The following MITF variants were observed in gnomAD, a reference collection of about 807,000 sequenced individuals.
MITF encodes microphthalmia-associated transcription factor.
Under a neutral mutation model 60.5 loss-of-function variants are expected in MITF, and 17 were observed. That is an observed-to-expected ratio of 0.28 (90% CI 0.19 to 0.42). MITF has a LOEUF of 0.42. Among genes scored for constraint, MITF ranks in the 10% least tolerant of loss-of-function variants. The pLI is 1.00. For missense variants in MITF, 622 were observed against 683.5 expected (o/e 0.91, Z 1.00); for synonymous variants, 260 against 248.5 (o/e 1.05, Z -0.43).
At chr3:69,898,650 C>A (rs9310177) in intron 2 of MITF, among the ~76,000 whole-genome samples, 8,441 of 152,178 alleles carry the variant, frequency 0.055, 615 homozygotes, top group African/African-American at 0.17. Context: ...AATGTAAAAA[C>A]ACAGGAACAA....
chr3:69,944,778 A>G (rs1032714978), intron 5 of MITF, among the ~76,000 whole-genome samples: 3 of 152,110 alleles, frequency 2.0e-5, no homozygotes, highest in African/African-American at 7.2e-5. Context: ...AGCATTTAGA[A>G]CAGTTGGGCC....
intron 1 of MITF, among the ~76,000 whole-genome samples, chr3:69,832,635 T>C (rs1172684215): frequency 6.6e-6 from 1 of 152,224 alleles, no homozygotes; most frequent in Admixed American, 6.5e-5. Context: ...CACTGTATAT[T>C]GTTGTTTGCC....
intron 1 of MITF, among the ~76,000 whole-genome samples, chr3:69,859,890 G>A (rs2063982907): frequency 6.6e-6 from 1 of 152,082 alleles, no homozygotes; most frequent in South Asian, 2.1e-4. Context: ...TGCTGATGTG[G>A]AGATTTTATT....
rs145228322 is a variant in MITF, at chr3:69,851,691, G to A, written c.105-27443G>A. ...GACTACAAAGGAGTAGCACAAGAGA[G>A]TATTTTGAGGTGATGGAACTGTTCT... On this transcript the variant is annotated intron_variant, in intron 1 of 9. Coordinates refer to ENST00000352241, the MANE Select transcript of MITF (RefSeq NM_001354604.2). 2.2e-3 allele frequency among the ~76,000 whole-genome samples: 337 copies of A among 152,298 alleles called. 1 individual carries two copies. Among genetic ancestry groups the A allele is most frequent in the African/African-American group, 7.5e-3 (311 of 41,552 alleles).
intron 1 of MITF, among the ~76,000 whole-genome samples, chr3:69,809,144 C>T (rs1479538189): frequency 6.6e-6 from 1 of 151,934 alleles, no homozygotes; most frequent in Non-Finnish European, 1.5e-5. Context: ...TTTTGTGCCT[C>T]CTATAATAAT....
intron 2 of MITF, among the ~76,000 whole-genome samples, chr3:69,918,439 G>GT (rs2065386864): frequency 6.6e-6 from 1 of 152,144 alleles, no homozygotes; most frequent in South Asian, 2.1e-4. Flanking sequence ...TTTCCTTGGT[G>GT]TTTTTTCTCT....
At chr3:69,752,302 A>C (rs1009539987) in intron 1 of MITF, 2 of 152,224 alleles carry the variant, frequency 1.3e-5, no homozygotes, top group African/African-American at 4.8e-5. Flanking sequence ...GGTTGGAAGA[A>C]TTTGGGGGAC....
intron 2 of MITF, among the ~76,000 whole-genome samples, chr3:69,901,492 C>A (rs1575920273): frequency 6.6e-6 from 1 of 151,962 alleles, no homozygotes; most frequent in East Asian, 1.9e-4. Flanking sequence ...ATCTCCTATC[C>A]CTCCCCCAAT....
At chr3:69,879,436 T>A in intron 2 of MITF, 53 bp downstream of exon 2, 1 of 1,612,388 alleles carries the variant, frequency 6.2e-7, no homozygotes, top group Non-Finnish European at 8.5e-7. Flanking sequence ...CATTTTCCAT[T>A]TGCTAGGTGT....
intron 2 of MITF, among the ~76,000 whole-genome samples, chr3:69,898,752 G>A (rs1345193745): frequency 6.6e-6 from 1 of 152,204 alleles, no homozygotes; most frequent in Non-Finnish European, 1.5e-5. Context: ...TTGGTCTTTT[G>A]TGTGATCACT....
chr3:69,920,554 C>T (rs997823203), intron 2 of MITF, among the ~76,000 whole-genome samples: 7 of 152,098 alleles, frequency 4.6e-5, no homozygotes, highest in African/African-American at 1.4e-4. Flanking sequence ...GAAATAATGG[C>T]GTAAGCTGTC....
At chr3:69,770,963 A>G (rs947806620) in intron 1 of MITF, among the ~76,000 whole-genome samples, 9 of 152,202 alleles carry the variant, frequency 5.9e-5, no homozygotes, top group African/African-American at 1.9e-4. Context: ...AGGTGGCCAC[A>G]TTTTGAAATG....
chr3:69,799,458 TTTG>T (rs918948451), intron 1 of MITF, among the ~76,000 whole-genome samples: 1 of 152,184 alleles, frequency 6.6e-6, no homozygotes, highest in African/African-American at 2.4e-5. Context: ...ATTGGCTCTT[TTTG>T]TTGTTGTTGT....
intron 1 of MITF, chr3:69,758,579 A>G: frequency 5.2e-6 from 1 of 190,680 alleles, no homozygotes; most frequent in Non-Finnish European, 1.1e-5. Flanking sequence ...AAAGCTTCTT[A>G]TGTATCAATA....
chr3:69,790,352 A>G (rs1039017341), intron 1 of MITF, among the ~76,000 whole-genome samples: 1 of 152,142 alleles, frequency 6.6e-6, no homozygotes, highest in African/African-American at 2.4e-5. Flanking sequence ...GGGAGTTGGT[A>G]TTTAATGGGT....
At chr3:69,902,278 C>T (rs749850265) in intron 2 of MITF, among the ~76,000 whole-genome samples, 39 of 151,496 alleles carry the variant, frequency 2.6e-4, no homozygotes, top group Admixed American at 7.9e-4. Flanking sequence ...ATTTATTTTT[C>T]CCATTTACAT....
At chr3:69,869,593 C>G (rs1175776761) in intron 1 of MITF, among the ~76,000 whole-genome samples, 1 of 152,164 alleles carries the variant, frequency 6.6e-6, no homozygotes, top group Non-Finnish European at 1.5e-5. Context: ...ACATTCTCTT[C>G]CCCACCTCTA....
intron 5 of MITF, among the ~76,000 whole-genome samples, chr3:69,945,959 G>A (rs933036110): frequency 5.3e-5 from 8 of 152,108 alleles, no homozygotes; most frequent in East Asian, 1.9e-4. Context: ...TTGTCTAATC[G>A]TTGACAATGT....
intron 1 of MITF, among the ~76,000 whole-genome samples, chr3:69,852,460 A>G (rs1354534284): frequency 1.3e-5 from 2 of 152,210 alleles, no homozygotes; most frequent in Non-Finnish European, 2.9e-5. Context: ...TTCGCTTAAC[A>G]TTATGTATGT....
Sources: gnomAD v4.1 joint callset for allele counts (sites outside exome capture counted in the v4.1 genomes callset) on GRCh38, gnomAD v4.1.1 for gene constraint, MANE v1.5 for transcripts, NCBI Gene and HGNC (gene_info 2026-07-23, HGNC 2026-07-21) for gene names.